Variants in PRRC2B observed in about 807,000 individuals in gnomAD.
The protein encoded by PRRC2B is protein PRRC2B.
In PRRC2B, 68 loss-of-function variants were observed where a neutral mutation model predicts 242.3. The ratio of observed to expected loss-of-function variants is 0.28; its 90% CI spans 0.23 to 0.34. The LOEUF (loss-of-function observed/expected upper bound fraction) is 0.34. Among genes scored for constraint, PRRC2B ranks in the 10% least tolerant of loss-of-function variants. The pLI, the probability that PRRC2B is intolerant of heterozygous loss-of-function variation, is 1.00. For missense variants in PRRC2B, 2,835 were observed against 2,954.8 expected (o/e 0.96, Z 0.94); for synonymous variants, 1,228 against 1,173.6 (o/e 1.05, Z -0.95).
intron 25 of PRRC2B, 146 bp from the exon 26 acceptor site, chr9:131,485,939 A>G: frequency 1.4e-6 from 1 of 697,748 alleles, no homozygotes; most frequent in African/African-American, 1.8e-5. Context: ...TCCGGCACAC[A>G]GGGAACCTAG....
chr9:131,471,095 C>A, intron 14 of PRRC2B, 112 bp downstream of exon 14: 3 of 678,214 alleles, frequency 4.4e-6, no homozygotes, highest in South Asian at 4.0e-5. Context: ...GGCTCTTTGT[C>A]AAGTACACAA....
chr9:131,464,788 G>A lies in PRRC2B; in HGVS notation c.1430G>A (p.Arg477Gln), dbSNP rs543334645. The A allele has an allele frequency of 8.1e-6, 13 of 1,603,266 alleles. No homozygotes were observed. The highest frequency in any genetic ancestry group is 1.7e-4 in the Middle Eastern group (1 of 5,996). ...YQKSSMGSMF[R>Q]QQSIEDKEDK... is the part of the protein sequence containing the mutation. ...AAGTCATCAATGGGCAGCATGTTCC[G>A]GCAACAGTCCATCGAGGACAAGGAG... The change falls in exon 12 of 32, where the codon CGG becomes CAG. Residue 477 changes from arginine to glutamine, a missense_variant. By Grantham distance (43) the Arg-to-Gln change is conservative (BLOSUM62 1). Around this residue, in one of 7 missense-constraint regions of PRRC2B, gnomAD observed 626 missense variants for 685.5 expected, o/e 0.91. Transcript: ENST00000683519.
chr9:131,492,473 A>T (rs181641613), intron 30 of PRRC2B, among the ~76,000 whole-genome samples: 77 of 152,276 alleles, frequency 5.1e-4, no homozygotes, highest in African/African-American at 1.8e-3. Context: ...TTTTGGTTTT[A>T]ATCATTATAA....
chr9:131,484,823 C>G, intron 24 of PRRC2B, 33 bp downstream of exon 24: 1 of 1,580,212 alleles, frequency 6.3e-7, no homozygotes, highest in South Asian at 1.1e-5. Flanking sequence ...TGAGGGCCCA[C>G]CCAGTACCTT....
rs370633017 is a variant in PRRC2B at position 131,383,240 on chromosome 9, C to T, written c.-56+9509C>T. On this transcript the variant is annotated intron_variant, in intron 1 of 1. Coordinates refer to the PRRC2B transcript ENST00000682525. ...TTTTTCCCCTTCAGTTTAGATGACT[C>T]CACTTTCTAAACTGAACATGGGAAC... Among the ~76,000 whole-genome samples, 114 of 152,224 alleles carry T rather than the reference C, an allele frequency of 7.5e-4. 2 individuals are homozygous for T. In the South Asian group the frequency reaches 0.023, roughly 31 times the overall value.
chr9:131,415,266 A>T (rs985576608), intron 1 of PRRC2B, among the ~76,000 whole-genome samples: 1 of 152,162 alleles, frequency 6.6e-6, no homozygotes. Context: ...AAGTGGTGGG[A>T]TTTTCAGGCC....
Position 131,475,310 on chromosome 9 carries a change from AGAG to A in PRRC2B, c.3184_3186del (p.Gly1062del). ...TGATGAGGAGCAAGCCTTTGGGGTC[AGAG>A]GACAGGCCCGGGGCCGGGGCCGTGG... On this transcript the variant is annotated inframe_deletion, in exon 16 of 32. Transcript: ENST00000683519. The A allele has an allele frequency of 6.2e-7, 1 of 1,604,188 alleles. No individual in the cohort carries two copies. Among genetic ancestry groups the A allele is most frequent in the Non-Finnish European group, 8.5e-7 (1 of 1,176,058 alleles).
In PRRC2B at chr9:131,475,846, T is replaced by C; in HGVS notation, c.3717T>C (p.Tyr1239=). Residue 1239 remains tyrosine, a synonymous_variant, in exon 16 of 32, where the codon TAT becomes TAC. Coordinates refer to ENST00000683519, the MANE Select transcript of PRRC2B (RefSeq NM_013318.4). ...SKSPGSSWQE[Y]GPSDTCGSRR... is the part of the protein sequence containing the mutation. The stretch of plus-strand genomic sequence containing the variant: ...GTCCAGGCAGCTCTTGGCAGGAATA[T>C]GGCCCTTCCGACACATGCGGATCCC... The C allele has an allele frequency of 6.2e-7, 1 of 1,613,576 alleles. No individual in the cohort carries two copies. The highest frequency in any genetic ancestry group is 1.3e-5 in the African/African-American group (1 of 75,036).
upstream of PRRC2B, among the ~76,000 whole-genome samples, chr9:131,390,114 C>T (rs1402104053): frequency 2.7e-5 from 4 of 149,626 alleles, 1 homozygote; most frequent in Admixed American, 1.4e-4. Flanking sequence ...AGGGTTTCAC[C>T]GTGTTGGCCA....
At position 131,482,513 on chromosome 9, in the gene PRRC2B, C is replaced by A. The variant is rs777408483; in HGVS notation, c.5126C>A (p.Pro1709His). The A allele has an allele frequency of 6.2e-7, 1 of 1,610,160 alleles. No individual in the cohort carries two copies. Among genetic ancestry groups the A allele is most frequent in the South Asian group, 1.1e-5 (1 of 90,974 alleles). ...ATGAGCGGGCCCGGCCTGGCGGAACCCAAGGCCGACAGCCACAAGGAGCAG... is the reference window on the plus strand; with the variant it reads ...ATGAGCGGGCCCGGCCTGGCGGAACACAAGGCCGACAGCCACAAGGAGCAG... ...EEMSGPGLAE[P>H]KADSHKEQAP... The change falls in exon 21 of 32, where the codon CCC (proline) becomes CAC (histidine). Residue 1709 changes from proline (P) to histidine (H), a missense_variant. Pro to His is a moderately conservative substitution (Grantham distance 77). Coordinates refer to ENST00000683519, the MANE Select transcript of PRRC2B (RefSeq NM_013318.4). This position sits in a 1 kb window ranked among gnomAD's most constrained non-coding sequence, Gnocchi z 5.2.
intron 19 of PRRC2B, among the ~76,000 whole-genome samples, chr9:131,480,954 T>G (rs1943842777): frequency 6.6e-6 from 1 of 151,720 alleles, no homozygotes; most frequent in Admixed American, 6.6e-5. Context: ...GAAGATCACT[T>G]GAGATCAGGA....
At chr9:131,388,794 G>A (rs895821617) in intron 1 of PRRC2B, among the ~76,000 whole-genome samples, 8 of 148,140 alleles carry the variant, frequency 5.4e-5, no homozygotes, top group Non-Finnish European at 1.0e-4. Context: ...CGCCCTCCTT[G>A]GACTTCCAAA....
chr9:131,412,038 C>T (rs1837520752), intron 1 of PRRC2B, among the ~76,000 whole-genome samples: 1 of 151,878 alleles, frequency 6.6e-6, no homozygotes, highest in South Asian at 2.1e-4. Flanking sequence ...AATTCCTCAC[C>T]TCAAGCGATC....
chr9:131,472,060 A>T (rs1344013135), intron 14 of PRRC2B, among the ~76,000 whole-genome samples: 1 of 152,128 alleles, frequency 6.6e-6, no homozygotes, highest in Non-Finnish European at 1.5e-5. Flanking sequence ...CTTATGTAGT[A>T]CCTTTGTTGT....
At position 131,446,565 on chromosome 9, in the gene PRRC2B, C is replaced by T. The variant is rs749966910; in HGVS notation, c.778C>T (p.Pro260Ser). 4 of 1,613,980 alleles carry T rather than the reference C, an allele frequency of 2.5e-6. No individual in the cohort carries two copies. The highest frequency in any genetic ancestry group is 2.2e-5 in the South Asian group (2 of 91,078). Residue 260 changes from proline (P) to serine (S), a missense_variant, in exon 7 of 32, where the codon CCT becomes TCT. Physicochemically the swap from Pro to Ser is moderately conservative, Grantham distance 74. Around this residue, in one of 7 missense-constraint regions of PRRC2B, gnomAD observed 626 missense variants for 685.5 expected, o/e 0.91. Coordinates refer to ENST00000683519, the MANE Select transcript of PRRC2B (RefSeq NM_013318.4). This position sits in a 1 kb window ranked among gnomAD's most constrained non-coding sequence, Gnocchi z 4.1. ...SKDPSLRPAQ[P>S]VRKGASQFMG... is the part of the protein sequence containing the mutation. ...GGACCCCTCTCTCCGCCCGGCTCAG[C>T]CTGTCCGAAAAGGGGCTTCACAGTT...
intron 9 of PRRC2B, among the ~76,000 whole-genome samples, chr9:131,451,408 A>G (rs1942914794): frequency 6.6e-6 from 1 of 152,102 alleles, no homozygotes; most frequent in African/African-American, 2.4e-5. Context: ...CAAAAAAAAA[A>G]GAAAATACAG....
intron 11 of PRRC2B, among the ~76,000 whole-genome samples, chr9:131,462,195 A>G (rs1447569247): frequency 6.6e-6 from 1 of 152,184 alleles, no homozygotes; most frequent in African/African-American, 2.4e-5. Context: ...TATCCAAGGC[A>G]TCTTCTGACC....
intron 2 of PRRC2B, among the ~76,000 whole-genome samples, chr9:131,432,255 A>T (rs1838202150): frequency 6.6e-6 from 1 of 152,150 alleles, no homozygotes. Flanking sequence ...TTAGTCCTGT[A>T]ATGAGACCAG....
chr9:131,470,833 C>G lies in PRRC2B; in HGVS notation c.1957C>G (p.Pro653Ala). The G allele has an allele frequency of 1.2e-6, 2 of 1,611,916 alleles. No homozygotes were observed. The highest frequency in any genetic ancestry group is 1.7e-4 in the Middle Eastern group (1 of 6,040). The change falls in exon 14 of 32, where the codon CCG (proline) becomes GCG (alanine). Residue 653 changes from proline (P) to alanine (A), a missense_variant. Pro to Ala is a conservative substitution (Grantham distance 27). Coordinates refer to ENST00000683519, the MANE Select transcript of PRRC2B (RefSeq NM_013318.4). ...MQHWQPVYPP[P>A]SHPQRTFYPH... The stretch of plus-strand genomic sequence containing the variant: ...GCACTGGCAGCCGGTGTACCCCCCG[C>G]CGTCCCACCCCCAGCGCACCTTTTA...
Sources: allele counts gnomAD v4.1 joint callset (sites outside exome capture counted in the v4.1 genomes callset), GRCh38; gene constraint gnomAD v4.1.1; regional missense constraint gnomAD v4.1.1; non-coding constraint Gnocchi (gnomAD v3.1); transcripts MANE v1.5; gene names NCBI Gene and HGNC (gene_info 2026-07-23, HGNC 2026-07-21).